ASXL1: variants seen among roughly 807,000 people sequenced by gnomAD.
ASXL1 encodes ASXL transcriptional regulator 1.
Under a neutral mutation model 89.1 loss-of-function variants are expected in ASXL1, and 65 were observed. The observed-to-expected ratio is 0.73, with a 90% CI of 0.60 to 0.90. The LOEUF is 0.90. ASXL1 is among the 40% of genes least tolerant of loss of function. The pLI is 0.00. For synonymous variants in ASXL1, 739 were observed against 746.9 expected, an observed-to-expected ratio of 0.99 and a Z score of 0.17; for missense variants, 1,786 against 1,942.9, an observed-to-expected ratio of 0.92 and a Z score of 1.52.
At chr20:32,381,610 G>T (rs2048487223) in intron 4 of ASXL1, among the ~76,000 whole-genome samples, 1 of 151,132 alleles carries the variant, frequency 6.6e-6, no homozygotes, top group South Asian at 2.1e-4. Flanking sequence ...CGCCTCCCGG[G>T]TTCACACCAT....
At chr20:32,377,660 C>G (rs150060496) in intron 4 of ASXL1, among the ~76,000 whole-genome samples, 1 of 148,658 alleles carries the variant, frequency 6.7e-6, no homozygotes. Flanking sequence ...TGTTTGTTTT[C>G]TTTTTTTTTT....
Position 32,431,563 on chromosome 20 carries a change from T to C in ASXL1, c.883-20T>C, listed in dbSNP as rs2123236446. 6.2e-7 allele frequency: 1 copy of C among 1,614,156 alleles called. No homozygotes were observed. Among genetic ancestry groups the C allele is most frequent in the Non-Finnish European group, 8.5e-7 (1 of 1,180,016 alleles). On this transcript the variant is annotated intron_variant, in intron 9 of 12. Coordinates refer to ENST00000375687, the MANE Select transcript of ASXL1 (RefSeq NM_015338.6). The stretch of plus-strand genomic sequence containing the variant: ...TTTAAGTTTATTTATTAGGATTTTT[T>C]TCCCCCTTGATCCTTCTAGGTGGGG...
At position 32,429,988 on chromosome 20, in the gene ASXL1, G is replaced by T; in HGVS notation, c.653G>T (p.Arg218Leu). 1 of 1,608,810 alleles carries T rather than the reference G, an allele frequency of 6.2e-7. No individual in the cohort carries two copies. Residue 218 changes from arginine (R) to leucine (L), a missense_variant, in exon 8 of 13, where the codon CGT becomes CTT. This residue lies in a region of ASXL1 where 332 missense variants were observed against 449.7 expected (regional missense o/e 0.74). Coordinates refer to ENST00000375687, the MANE Select transcript of ASXL1 (RefSeq NM_015338.6). This position sits in a 1 kb window ranked among gnomAD's most constrained non-coding sequence, Gnocchi z 4.9. ...CTGGCCCTGGGCAGCGCTGCTATTC[G>T]TGGCCAGGCCGAGGTCACCCAGGAC... ...GSLALGSAAI[R>L]GQAEVTQDPA...
intron 4 of ASXL1, among the ~76,000 whole-genome samples, chr20:32,371,557 G>T (rs2048301591): frequency 6.6e-6 from 1 of 152,054 alleles, no homozygotes; most frequent in Non-Finnish European, 1.5e-5. Context: ...AAACTGCCAG[G>T]ATTACAGACG....
At chr20:32,408,416 A>G (rs1253411785) in intron 4 of ASXL1, among the ~76,000 whole-genome samples, 1 of 152,166 alleles carries the variant, frequency 6.6e-6, no homozygotes, top group East Asian at 1.9e-4. Context: ...GTTCTGTTCC[A>G]TTAATCTATC....
chr20:32,426,121 G>C (rs2011274922), intron 4 of ASXL1, among the ~76,000 whole-genome samples: 1 of 152,150 alleles, frequency 6.6e-6, no homozygotes, highest in Non-Finnish European at 1.5e-5. Context: ...TAATTTTAAT[G>C]TAGTTTAATT....
intron 4 of ASXL1, among the ~76,000 whole-genome samples, chr20:32,417,453 G>A (rs2049157445): frequency 6.6e-6 from 1 of 151,884 alleles, no homozygotes; most frequent in African/African-American, 2.4e-5. Context: ...CTTTTCTTTC[G>A]TTGACATCTA....
intron 4 of ASXL1, among the ~76,000 whole-genome samples, chr20:32,393,004 T>G (rs1302143325): frequency 6.6e-6 from 1 of 151,412 alleles, no homozygotes; most frequent in East Asian, 2.0e-4. Flanking sequence ...AATGTTCAAG[T>G]CTTCTGTATT....
In ASXL1 at chr20:32,429,391, T is replaced by G; in HGVS notation, c.525T>G (p.Thr175=). Residue 175 remains threonine, a synonymous_variant, in exon 7 of 13, where the codon ACT becomes ACG. Coordinates refer to ENST00000375687, the MANE Select transcript of ASXL1 (RefSeq NM_015338.6). This position sits in a 1 kb window ranked among gnomAD's most constrained non-coding sequence, Gnocchi z 4.9. ...TGATGCTGCCTCGAGTTGTCCTGAC[T>G]CCTCTGAAGGTAAACGGGGCCCACG... ...TGVMLPRVVL[T]PLKVNGAHVE... The G allele has an allele frequency of 6.2e-7, 1 of 1,614,202 alleles. No homozygotes were observed. The highest frequency in any genetic ancestry group is 1.3e-5 in the African/African-American group (1 of 75,044).
chr20:32,384,198 G>GTT lies in ASXL1; in HGVS notation c.252+15100_252+15101dup, dbSNP rs71187115. Among the ~76,000 whole-genome samples the GTT allele has an allele frequency of 2.9e-3, 228 of 77,294 alleles. 20 individuals carry two copies. The highest frequency in any genetic ancestry group is 7.4e-3 in the African/African-American group (156 of 21,138). 50.7% of individuals were successfully genotyped at this position (77,294 alleles called of 152,430 possible). ...CTTTGGTCAATTGTAGCAGCAGTCT[G>GTT]TTTTTTTTTTTTTTTTTTTTTTTTT... On this transcript the variant is annotated intron_variant, in intron 4 of 12. Coordinates refer to ENST00000375687, the MANE Select transcript of ASXL1 (RefSeq NM_015338.6).
chr20:32,434,920 A>G lies in ASXL1; in HGVS notation c.2208A>G (p.Thr736=). ...AAAGCTGCCTACTACAGAGGGCTACAGTTGGACTCACAGATGGGCTAGGAG... is the reference window on the plus strand; with the variant it reads ...AAAGCTGCCTACTACAGAGGGCTACGGTTGGACTCACAGATGGGCTAGGAG... ...KEESCLLQRA[T]VGLTDGLGDA... The change falls in exon 13 of 13, where the codon ACA becomes ACG. Residue 736 remains threonine, a synonymous_variant. Transcript: ENST00000375687. The G allele has an allele frequency of 6.2e-7, 1 of 1,614,200 alleles. No individual in the cohort carries two copies. The highest frequency in any genetic ancestry group is 8.5e-7 in the Non-Finnish European group (1 of 1,180,030).
intron 4 of ASXL1, among the ~76,000 whole-genome samples, chr20:32,400,272 C>G (rs191081212): frequency 1.3e-5 from 2 of 152,100 alleles, no homozygotes; most frequent in East Asian, 3.9e-4. Flanking sequence ...GCCTGGTGAT[C>G]TTTGATTGGA....
At position 32,435,238 on chromosome 20, in the gene ASXL1, T is replaced by C. The variant is rs144841799; in HGVS notation, c.2526T>C (p.Asn842=). ...DSHPTMKDPV[N]VTPSSTPESS... ...ATCCCACTATGAAGGATCCTGTAAA[T>C]GTGACCCCCAGTTCCACACCTGAAT... The change falls in exon 13 of 13, where the codon AAT becomes AAC. Residue 842 remains asparagine, a synonymous_variant. Coordinates refer to ENST00000375687, the MANE Select transcript of ASXL1 (RefSeq NM_015338.6). 346 of 1,614,022 alleles carry C rather than the reference T, an allele frequency of 2.1e-4. 1 individual carries two copies. Among genetic ancestry groups the C allele is most frequent in the Middle Eastern group, 1.3e-3 (8 of 6,062 alleles).
chr20:32,392,924 TGAA>T (rs2048697777), intron 4 of ASXL1, among the ~76,000 whole-genome samples: 1 of 152,192 alleles, frequency 6.6e-6, no homozygotes. Context: ...CACGGGCACT[TGAA>T]AAGAATGTGT....
At chr20:32,419,383 T>C (rs2123151516) in intron 4 of ASXL1, among the ~76,000 whole-genome samples, 1 of 152,140 alleles carries the variant, frequency 6.6e-6, no homozygotes, top group Non-Finnish European at 1.5e-5. Flanking sequence ...TTGAATTTTT[T>C]TGTAGAGCGG....
intron 4 of ASXL1, among the ~76,000 whole-genome samples, chr20:32,405,885 T>C (rs1600534579): frequency 6.6e-6 from 1 of 152,264 alleles, no homozygotes; most frequent in Non-Finnish European, 1.5e-5. Flanking sequence ...CCTTCATCAC[T>C]ATAAAGCTCC....
chr20:32,406,469 T>A (rs2048957531), intron 4 of ASXL1, among the ~76,000 whole-genome samples: 1 of 152,066 alleles, frequency 6.6e-6, no homozygotes, highest in East Asian at 1.9e-4. Flanking sequence ...GAGGATCACT[T>A]GAGCCCAGGA....
Position 32,429,859 on chromosome 20 carries a change from G to A in ASXL1, c.566-42G>A, listed in dbSNP as rs762894913. Reference sequence around the variant, plus strand: ...GAGCTTGTCTGAGAGCCATGGGCGCGGCTTGGTGATACTTTTGACCAGTGG... The same window carrying A: ...GAGCTTGTCTGAGAGCCATGGGCGCAGCTTGGTGATACTTTTGACCAGTGG... On this transcript the variant is annotated intron_variant, in intron 7 of 12. Transcript: ENST00000375687. The surrounding 1 kb of genome is among the most constrained non-coding windows in gnomAD (Gnocchi z 4.9). 8.7e-5 allele frequency: 140 copies of A among 1,601,468 alleles called. No individual in the cohort carries two copies. The highest frequency in any genetic ancestry group is 1.1e-4 in the Non-Finnish European group (129 of 1,177,758).
chr20:32,383,375 C>T (rs1393975742), intron 4 of ASXL1, among the ~76,000 whole-genome samples: 1 of 151,728 alleles, frequency 6.6e-6, no homozygotes, highest in East Asian at 1.9e-4. Context: ...GGCGCGATCT[C>T]GGCTCACTGC....
Sources: allele counts gnomAD v4.1 joint callset (sites outside exome capture counted in the v4.1 genomes callset), GRCh38; gene constraint gnomAD v4.1.1; regional missense constraint gnomAD v4.1.1; non-coding constraint Gnocchi (gnomAD v3.1); transcripts MANE v1.5; gene names NCBI Gene and HGNC (gene_info 2026-07-23, HGNC 2026-07-21).